The following PPP2R2C variants were observed in gnomAD, a reference collection of about 807,000 sequenced individuals.
The protein encoded by PPP2R2C is protein phosphatase 2, regulatory subunit B, gamma.
PPP2R2C carries 10 observed loss-of-function variants against 45.3 expected under a neutral mutation model. The ratio of observed to expected loss-of-function variants is 0.22; its 90% CI spans 0.14 to 0.37. PPP2R2C has a LOEUF of 0.37. Ranked by LOEUF, PPP2R2C falls within the 10% of genes least tolerant of loss-of-function variation. The probability of loss-of-function intolerance (pLI) is 1.00; values close to 1 mark genes in which losing one functional copy is unlikely to be tolerated. For missense variants in PPP2R2C, 308 were observed against 619.7 expected (o/e 0.50, Z 5.34); for synonymous variants, 257 against 245.4 (o/e 1.05, Z -0.44).
intron 1 of PPP2R2C, among the ~76,000 whole-genome samples, chr4:6,406,616 GT>G (rs1308252173): frequency 6.6e-6 from 1 of 152,024 alleles, no homozygotes; most frequent in Non-Finnish European, 1.5e-5. Flanking sequence ...AAATAGCTGG[GT>G]ATGGTGGCAC....
In PPP2R2C at chr4:6,550,414, G is replaced by A. The variant is rs137917551; in HGVS notation, c.-59+13146C>T. Among the ~76,000 whole-genome samples the A allele has an allele frequency of 1.6e-3, 243 of 152,164 alleles. 1 individual carries two copies. Among genetic ancestry groups the A allele is most frequent in the African/African-American group, 5.7e-3 (235 of 41,496 alleles). On this transcript the variant is annotated intron_variant, in intron 1 of 9. Transcript: ENST00000506140. ...CACTGCTTCCTCCCGGGAAGGCTAC[G>A]CCCAGCTGCACAGAACTTCACCCTT...
chr4:6,381,320 G>C (rs547980365), intron 1 of PPP2R2C: 28 of 1,519,820 alleles, frequency 1.8e-5, no homozygotes, highest in African/African-American at 5.5e-5. Context: ...CAGAGATCTC[G>C]GGACTTGGCA....
chr4:6,415,867 T>C (rs986911307), intron 1 of PPP2R2C, among the ~76,000 whole-genome samples: 1 of 152,198 alleles, frequency 6.6e-6, no homozygotes, highest in Non-Finnish European at 1.5e-5. Context: ...TACACAGCTA[T>C]TAAGATAGCT....
At chr4:6,365,700 G>T (rs73798209) in intron 5 of PPP2R2C, among the ~76,000 whole-genome samples, 2,640 of 152,262 alleles carry the variant, frequency 0.017, 87 homozygotes, top group African/African-American at 0.061. Context: ...AAGGTTCTGA[G>T]CCTCCTGCGG....
Position 6,472,268 on chromosome 4 carries a change from C to T in PPP2R2C, c.-39G>A. On this transcript the variant is annotated 5_prime_UTR_variant, in exon 1 of 9. An upstream open reading frame in the 5' UTR gains an earlier in-frame stop. Coordinates refer to ENST00000382599, the MANE Select transcript of PPP2R2C (RefSeq NM_020416.4). The stretch of plus-strand genomic sequence containing the variant: ...CGGTGCTCTGGGCATGCCCCGCCGC[C>T]ACACACCGATGCAATCCGCAGAGGT... 2.5e-6 allele frequency: 4 copies of T among 1,611,304 alleles called. No individual in the cohort carries two copies. Among genetic ancestry groups the T allele is most frequent in the Non-Finnish European group, 3.4e-6 (4 of 1,178,592 alleles).
rs139961526 is a variant in PPP2R2C at position 6,422,757 on chromosome 4, T to C, written c.71-41663A>G. On this transcript the variant is annotated intron_variant, in intron 1 of 8. Coordinates refer to ENST00000382599, the MANE Select transcript of PPP2R2C (RefSeq NM_020416.4). ...TCCAGTTTAACCTTAGGTACCTCTGTGAAAACCCTGTCTCAAAACACAGTC... is the reference window on the plus strand; with the variant it reads ...TCCAGTTTAACCTTAGGTACCTCTGCGAAAACCCTGTCTCAAAACACAGTC... 3.9e-3 allele frequency among the ~76,000 whole-genome samples: 587 copies of C among 152,308 alleles called. 13 individuals carry two copies. Among genetic ancestry groups the C allele is most frequent in the South Asian group, 0.019 (90 of 4,824 alleles).
Position 6,384,480 on chromosome 4 carries a change from ACAT to A in PPP2R2C, c.71-3389_71-3387del, listed in dbSNP as rs997373073. The A allele has an allele frequency of 9.2e-6, 9 of 981,066 alleles. No homozygotes were observed. The Admixed American group carries it at 1.8e-4, about 20-fold the overall frequency. 60.8% of individuals were successfully genotyped at this position (981,066 alleles called of 1,614,324 possible). On this transcript the variant is annotated intron_variant, in intron 1 of 8. Transcript: ENST00000382599. ...TTTCTAGATTTTCTATAATGAAGTT[ACAT>A]CATTTTTTAATAGCTGTATTGAGGT...
At chr4:6,478,119 C>A (rs1722226044) in intron 2 of PPP2R2C, among the ~76,000 whole-genome samples, 1 of 152,242 alleles carries the variant, frequency 6.6e-6, no homozygotes, top group African/African-American at 2.4e-5. Context: ...TACATCTGCA[C>A]ACACTCATGC....
At chr4:6,403,471 G>A (rs1459843515) in intron 1 of PPP2R2C, among the ~76,000 whole-genome samples, 2 of 152,196 alleles carry the variant, frequency 1.3e-5, no homozygotes, top group Non-Finnish European at 2.9e-5. Context: ...CTGTGCGCCA[G>A]GGGTTGCAGG....
chr4:6,466,223 C>T (rs1348759033), intron 1 of PPP2R2C, among the ~76,000 whole-genome samples: 1 of 152,196 alleles, frequency 6.6e-6, no homozygotes, highest in Non-Finnish European at 1.5e-5. Flanking sequence ...ATATGTGTAA[C>T]CACAGACTCG....
At chr4:6,512,254 ATGGTGG>A (rs1723625090) in intron 2 of PPP2R2C, among the ~76,000 whole-genome samples, 1 of 5,808 alleles carries the variant, frequency 1.7e-4, no homozygotes, top group Non-Finnish European at 3.4e-4. Flanking sequence ...GGTGGTGGTG[ATGGTGG>A]TGGTGGTGAT....
intron 6 of PPP2R2C, among the ~76,000 whole-genome samples, chr4:6,341,252 T>C (rs1733419106): frequency 1.3e-5 from 2 of 151,294 alleles, no homozygotes; most frequent in Admixed American, 1.3e-4. Flanking sequence ...GGCAGGAGAA[T>C]TGCTTGAACC....
chr4:6,390,547 G>A (rs969706382), intron 1 of PPP2R2C, among the ~76,000 whole-genome samples: 4 of 152,332 alleles, frequency 2.6e-5, no homozygotes, highest in Admixed American at 6.5e-5. Context: ...CACGCCGGGC[G>A]GCGGGCGCAT....
chr4:6,488,260 A>G (rs1035863278), intron 2 of PPP2R2C, among the ~76,000 whole-genome samples: 23 of 152,144 alleles, frequency 1.5e-4, no homozygotes, highest in Non-Finnish European at 1.5e-4. Context: ...TTCCTGCTTC[A>G]TTGCATGGCT....
At chr4:6,390,703 C>G (rs1445723818) in intron 1 of PPP2R2C, among the ~76,000 whole-genome samples, 1 of 152,160 alleles carries the variant, frequency 6.6e-6, no homozygotes, top group Non-Finnish European at 1.5e-5. Flanking sequence ...CGGAATATCC[C>G]TGATGGGATT....
intron 6 of PPP2R2C, among the ~76,000 whole-genome samples, chr4:6,338,954 A>T (rs989143393): frequency 6.6e-6 from 1 of 152,204 alleles, no homozygotes; most frequent in Non-Finnish European, 1.5e-5. Context: ...TCATGCCTGG[A>T]GGCGATGGCC....
intron 1 of PPP2R2C, among the ~76,000 whole-genome samples, chr4:6,434,035 T>G (rs190016125): frequency 6.6e-6 from 1 of 152,348 alleles, no homozygotes; most frequent in Non-Finnish European, 1.5e-5. Flanking sequence ...TATGAGCACT[T>G]TCAGGTGCAT....
intron 1 of PPP2R2C, among the ~76,000 whole-genome samples, chr4:6,396,222 C>A (rs1489148860): frequency 6.6e-6 from 1 of 152,190 alleles, no homozygotes; most frequent in Non-Finnish European, 1.5e-5. Context: ...GCTCTTGATG[C>A]CATGAAGTGC....
At chr4:6,359,089 C>A (rs1713496023) in intron 5 of PPP2R2C, among the ~76,000 whole-genome samples, 1 of 152,202 alleles carries the variant, frequency 6.6e-6, no homozygotes, top group African/African-American at 2.4e-5. Flanking sequence ...AGACTTGGAA[C>A]CAACCCAAAT....
Sources: gnomAD v4.1 joint callset for allele counts (sites outside exome capture counted in the v4.1 genomes callset) on GRCh38, gnomAD v4.1.1 for gene constraint, MANE v1.5 for transcripts, NCBI Gene and HGNC (gene_info 2026-07-23, HGNC 2026-07-21) for gene names.